DYNC2I2: variants seen among roughly 807,000 people sequenced by gnomAD.
The protein encoded by DYNC2I2 is cytoplasmic dynein 2 intermediate chain 2.
DYNC2I2 carries 39 observed loss-of-function variants against 52.0 expected under a neutral mutation model. The ratio of observed to expected loss-of-function variants is 0.75; its 90% CI spans 0.58 to 0.98. DYNC2I2 has a LOEUF of 0.98. Among genes scored for constraint, DYNC2I2 ranks in the 50% least tolerant of loss-of-function variants. DYNC2I2 has a pLI of 0.00. For missense variants in DYNC2I2, 743 were observed against 728.4 expected (o/e 1.02, Z -0.23); for synonymous variants, 359 against 321.1 (o/e 1.12, Z -1.26).
intron 1 of DYNC2I2, among the ~76,000 whole-genome samples, chr9:128,644,689 T>C (rs1589433654): frequency 6.6e-6 from 1 of 152,230 alleles, no homozygotes; most frequent in African/African-American, 2.4e-5. Context: ...CACTGCGCTC[T>C]GCTTCATACG....
chr9:128,653,398 C>T (rs1277384129), intron 1 of DYNC2I2, among the ~76,000 whole-genome samples: 1 of 150,526 alleles, frequency 6.6e-6, no homozygotes, highest in African/African-American at 2.5e-5. Context: ...GCCAATATGG[C>T]GAAACCCCGT....
In DYNC2I2 at chr9:128,655,335, TAAAAAAAA is replaced by T. The variant is rs869197100; in HGVS notation, c.186+1198_186+1205del. Among the ~76,000 whole-genome samples, 41 of 18,694 alleles carry T rather than the reference TAAAAAAAA, an allele frequency of 2.2e-3. 2 individuals are homozygous for T. The highest frequency in any genetic ancestry group is 0.083 in the Middle Eastern group (1 of 12). 12.3% of individuals were successfully genotyped at this position (18,694 alleles called of 152,430 possible). The stretch of plus-strand genomic sequence containing the variant: ...TAACACGGTGAAACCCCGTCTCTAC[TAAAAAAAA>T]AAAAAAAAAAAAAAAAAATTAGCCG... On this transcript the variant is annotated intron_variant, in intron 1 of 8. Coordinates refer to ENST00000372715, the MANE Select transcript of DYNC2I2 (RefSeq NM_052844.4).
At chr9:128,659,082 G>A (rs751367754), upstream of DYNC2I2, among the ~76,000 whole-genome samples, 16 of 151,784 alleles carry the variant, frequency 1.1e-4, no homozygotes, top group African/African-American at 2.7e-4. Flanking sequence ...CCAAGATTCC[G>A]TCCCTGTACC....
chr9:128,649,248 C>A (rs1860678297), intron 1 of DYNC2I2, among the ~76,000 whole-genome samples: 1 of 152,024 alleles, frequency 6.6e-6, no homozygotes, highest in South Asian at 2.1e-4. Context: ...TGTTCAATAC[C>A]AGCTGGGCAA....
chr9:128,673,327 T>C, the DYNC2I2 span, among the ~76,000 whole-genome samples: 1 of 152,124 alleles, frequency 6.6e-6, no homozygotes, highest in Non-Finnish European at 1.5e-5. Context: ...GGTTAAAAAA[T>C]ACAGTAGCAA....
rs959152292 is a variant in DYNC2I2 at position 128,639,666 on chromosome 9, GTTTT to G, written c.435+1021_435+1024del. Among the ~76,000 whole-genome samples the G allele has an allele frequency of 1.2e-3, 180 of 151,532 alleles. 1 individual carries two copies. The highest frequency in any genetic ancestry group is 3.4e-3 in the African/African-American group (140 of 41,324). ...CTACCTCATACAGTTTTTTTTTGTT[GTTTT>G]TTTGTCTTTTTTTGAGATGGAGTCT... is the stretch of plus-strand genomic sequence containing the variant. On this transcript the variant is annotated intron_variant, in intron 2 of 8. Coordinates refer to ENST00000372715, the MANE Select transcript of DYNC2I2 (RefSeq NM_052844.4).
At chr9:128,683,597 A>G in the DYNC2I2 span, 1 of 315,108 alleles carries the variant, frequency 3.2e-6, no homozygotes, top group Admixed American at 4.8e-5. Context: ...CAGGAGGTCT[A>G]GAAAGCACAG....
At chr9:128,663,649 C>CTTTTTTTT in the DYNC2I2 span, 2 of 77,128 alleles carry the variant, frequency 2.6e-5, no homozygotes, top group Admixed American at 1.8e-4. Flanking sequence ...TAGTTTTTTT[C>CTTTTTTTT]TTTTTTTTTT....
rs921906189 is a variant in DYNC2I2, at chr9:128,634,303, T to C, written c.1295A>G (p.Gln432Arg). 3.4e-5 allele frequency: 55 copies of C among 1,613,514 alleles called. No homozygotes were observed. The highest frequency in any genetic ancestry group is 4.2e-5 in the Non-Finnish European group (49 of 1,179,918). Residue 432 changes from glutamine to arginine, a missense_variant, in exon 8 of 9, where the codon CAG becomes CGG. Gln to Arg is a conservative substitution (Grantham distance 43). Coordinates refer to ENST00000372715, the MANE Select transcript of DYNC2I2 (RefSeq NM_052844.4). Reference sequence around the variant, plus strand: ...AGCAAACAGATACTTGAGGGAGAGCTGCAGCGAAGTCAAGGGAGGGGCCTG... The same window carrying C: ...AGCAAACAGATACTTGAGGGAGAGCCGCAGCGAAGTCAAGGGAGGGGCCTG... ...MLQAPPLTSL[Q>R]LSLKYLFAVR...
chr9:128,661,320 A>G (rs1049491122), upstream of DYNC2I2, among the ~76,000 whole-genome samples: 3 of 150,852 alleles, frequency 2.0e-5, no homozygotes, highest in South Asian at 2.1e-4. Flanking sequence ...AAAAAAAAAA[A>G]AAACAAAAAG....
the DYNC2I2 span, among the ~76,000 whole-genome samples, chr9:128,664,841 G>A: frequency 2.0e-5 from 3 of 151,740 alleles, no homozygotes; most frequent in Non-Finnish European, 4.4e-5. Context: ...AAAAAACGTT[G>A]GCCAGGTGAA....
rs561221763 is a variant in DYNC2I2, at chr9:128,646,775, G to A, written c.187-5836C>T. ...ATGAAGGTGGATCATTTGAGTCCAA[G>A]ACTTTGTGACCAGCCTAGGCAACAT... On this transcript the variant is annotated intron_variant, in intron 1 of 8. Coordinates refer to ENST00000372715, the MANE Select transcript of DYNC2I2 (RefSeq NM_052844.4). Among the ~76,000 whole-genome samples the A allele has an allele frequency of 1.5e-3, 221 of 152,318 alleles. 1 individual carries two copies. The highest frequency in any genetic ancestry group is 5.1e-3 in the African/African-American group (213 of 41,572).
chr9:128,665,769 CAAAAAAAAA>C, the DYNC2I2 span, among the ~76,000 whole-genome samples: 1 of 72,168 alleles, frequency 1.4e-5, no homozygotes, highest in Non-Finnish European at 2.7e-5. Context: ...GACTCTGTGT[CAAAAAAAAA>C]AAAAAAAAAA....
intron 1 of DYNC2I2, among the ~76,000 whole-genome samples, chr9:128,654,166 T>C (rs1347779463): frequency 1.3e-5 from 2 of 152,252 alleles, no homozygotes; most frequent in East Asian, 1.9e-4. Flanking sequence ...ACCGTTCCCA[T>C]ACAGCACAGC....
chr9:128,665,411 T>C, the DYNC2I2 span, among the ~76,000 whole-genome samples: 1 of 152,100 alleles, frequency 6.6e-6, no homozygotes, highest in South Asian at 2.1e-4. Flanking sequence ...CACCGTTATA[T>C]TTGCCATGAC....
chr9:128,663,550 T>G, the DYNC2I2 span: 1 of 151,986 alleles, frequency 6.6e-6, no homozygotes, highest in African/African-American at 2.4e-5. Flanking sequence ...TGTGCTAGGA[T>G]GAGATGGGGC....
Position 128,649,917 on chromosome 9 carries a change from C to T in DYNC2I2, c.186+6624G>A, listed in dbSNP as rs1860694401. On this transcript the variant is annotated intron_variant, in intron 1 of 8. Coordinates refer to ENST00000372715, the MANE Select transcript of DYNC2I2 (RefSeq NM_052844.4). ...CTGAGGCAGGAGAATCGCTTGAACC[C>T]GGGAGACAGAGGTTGCAGTGAGCTG... Among the ~76,000 whole-genome samples, 2 of 54,818 alleles carry T rather than the reference C, an allele frequency of 3.6e-5. 1 individual carries two copies. The highest frequency in any genetic ancestry group is 1.5e-4 in the Non-Finnish European group (2 of 13,250). The allele number at this position is 54,818 out of a possible 152,430, so 36.0% of individuals were successfully genotyped here.
upstream of DYNC2I2, among the ~76,000 whole-genome samples, chr9:128,660,332 G>C (rs946664495): frequency 6.7e-6 from 1 of 149,950 alleles, no homozygotes; most frequent in South Asian, 2.1e-4. Flanking sequence ...GAATGGTCCC[G>C]ATCTCCTGAC....
intron 2 of DYNC2I2, among the ~76,000 whole-genome samples, chr9:128,639,022 A>G (rs1029421200): frequency 8.5e-5 from 13 of 152,178 alleles, no homozygotes; most frequent in Admixed American, 3.9e-4. Flanking sequence ...TTTGTAAAAA[A>G]TCATCTCAGG....
Sources: allele counts gnomAD v4.1 joint callset (sites outside exome capture counted in the v4.1 genomes callset), GRCh38; gene constraint gnomAD v4.1.1; transcripts MANE v1.5; gene names NCBI Gene and HGNC (gene_info 2026-07-23, HGNC 2026-07-21).